Variants in KRT84 observed in about 807,000 individuals in gnomAD.
KRT84 encodes keratin, type II cuticular Hb4.
A neutral mutation model predicts 49.0 loss-of-function variants in KRT84; 38 were observed. The ratio of observed to expected loss-of-function variants is 0.78; its 90% CI spans 0.60 to 1.02. The LOEUF is 1.02. KRT84 is among the 50% of genes least tolerant of loss of function. The pLI, the probability that KRT84 is intolerant of heterozygous loss-of-function variation, is 0.00. For missense variants in KRT84, 860 were observed against 788.6 expected, an observed-to-expected ratio of 1.09 and a Z score of -1.08; for synonymous variants, 334 against 312.8, an observed-to-expected ratio of 1.07 and a Z score of -0.72.
At chr12:52,383,848 A>T in intron 1 of KRT84, 50 bp from the exon 2 acceptor site, 1 of 1,488,322 alleles carries the variant, frequency 6.7e-7, no homozygotes, top group South Asian at 1.2e-5. Flanking sequence ...GATAGGGTTC[A>T]TGCCTTGACC....
At chr12:52,379,984 C>T in intron 7 of KRT84, 77 bp from the exon 8 acceptor site, 1 of 1,304,682 alleles carries the variant, frequency 7.7e-7, no homozygotes, top group Non-Finnish European at 1.1e-6. Flanking sequence ...AAAGGGCTTT[C>T]TTGTTTGAGT....
intron 2 of KRT84, 95 bp from the exon 3 acceptor site, chr12:52,383,160 T>C: frequency 1.7e-5 from 17 of 973,082 alleles, no homozygotes; most frequent in Non-Finnish European, 2.7e-5. Flanking sequence ...TCTCAGTCTG[T>C]GCAGGATCAT....
rs763048146 is a variant in KRT84, at chr12:52,380,583, G to A, written c.1204C>T (p.Arg402Cys). The A allele has an allele frequency of 7.5e-6, 12 of 1,607,726 alleles. No individual in the cohort carries two copies. Among genetic ancestry groups the A allele is most frequent in the South Asian group, 3.3e-5 (3 of 90,558 alleles). Residue 402 changes from arginine to cysteine, a missense_variant and splice_region_variant, in exon 7 of 9, where the codon CGT becomes TGT. Arg to Cys is a radical substitution (Grantham distance 180). Coordinates refer to ENST00000257951, the MANE Select transcript of KRT84 (RefSeq NM_033045.4). ...KAEIEHAKAQ[R>C]AKLEAAVAEA... ...GCCACTGCAGCCTCCAACTTGGCAC[G>A]CTGCAGGGAAGGCAGTTTGCAGGTA...
Position 52,382,889 on chromosome 12 carries a change from G to C in KRT84, c.816+116C>G, listed in dbSNP as rs562290038. On this transcript the variant is annotated intron_variant, in intron 3 of 8. Coordinates refer to ENST00000257951, the MANE Select transcript of KRT84 (RefSeq NM_033045.4). ...TCTCTGAGATTCCACTGTCTCCACT[G>C]TCTTGATGTGAGTAGTCCCAGACTC... 1.1e-4 allele frequency: 87 copies of C among 822,600 alleles called. 1 individual carries two copies. The highest frequency in any genetic ancestry group is 9.8e-4 in the South Asian group (69 of 70,570). The allele number at this position is 822,600 out of a possible 1,614,324, so 51.0% of individuals were successfully genotyped here.
intron 5 of KRT84, 73 bp from the exon 6 acceptor site, chr12:52,381,278 T>C (rs883709): frequency 0.23 from 369,160 of 1,607,680 alleles, 48,197 homozygotes; most frequent in African/African-American, 0.57. Flanking sequence ...AGTTGGGGGC[T>C]TCAAACCTCC....
Position 52,378,044 on chromosome 12 carries a change from G to A in KRT84, c.1793C>T (p.Thr598Ile). 9 of 1,471,664 alleles carry A rather than the reference G, an allele frequency of 6.1e-6. No individual in the cohort carries two copies. The highest frequency in any genetic ancestry group is 8.1e-6 in the Non-Finnish European group (9 of 1,113,316). 91.2% of individuals were successfully genotyped at this position (1,471,664 alleles called of 1,614,324 possible). A position where few individuals can be genotyped will look rare whatever the true frequency, so the allele number is the denominator to read the frequency against. The change falls in exon 9 of 9, where the codon ACC (threonine) becomes ATC (isoleucine). Residue 598 changes from threonine (T) to isoleucine (I), a missense_variant. Coordinates refer to ENST00000257951, the MANE Select transcript of KRT84 (RefSeq NM_033045.4). Reference sequence around the variant, plus strand: ...TCTGGGGCTGGGCTCTCAGTACTTGGTCCGGCAGGAGGTGGTGGTGGACAC... The same window carrying A: ...TCTGGGGCTGGGCTCTCAGTACTTGATCCGGCAGGAGGTGGTGGTGGACAC... Reference protein sequence around the residue: ...RFVSTTTSCRTKY With the variant: ...RFVSTTTSCRIKY
upstream of KRT84, chr12:52,385,794 A>G: frequency 1.7e-6 from 1 of 590,932 alleles, no homozygotes; most frequent in South Asian, 2.1e-5. Context: ...CTCCTTGACA[A>G]TGAGTTAACT....
Position 52,378,199 on chromosome 12 carries a change from C to T in KRT84, c.1638G>A (p.Leu546=). The T allele has an allele frequency of 1.9e-6, 3 of 1,575,576 alleles. No individual in the cohort carries two copies. The highest frequency in any genetic ancestry group is 2.6e-6 in the Non-Finnish European group (3 of 1,161,796). ...GARVAPATGD[L]LSTGTRSGSM... is the part of the protein sequence containing the mutation. ...AGCCACTCCTTGTGCCAGTGCTCAG[C>T]AGGTCCCCAGTGGCCGGGGCGACCC... is the stretch of plus-strand genomic sequence containing the variant. The change falls in exon 9 of 9, where the codon CTG becomes CTA. Residue 546 remains leucine (L), a synonymous_variant. Coordinates refer to ENST00000257951, the MANE Select transcript of KRT84 (RefSeq NM_033045.4).
At chr12:52,381,667 A>G in intron 4 of KRT84, 142 bp from the exon 5 acceptor site, 1 of 805,482 alleles carries the variant, frequency 1.2e-6, no homozygotes, top group Non-Finnish European at 2.0e-6. Flanking sequence ...ATCTAAATTG[A>G]TGATAAAGAA....
At chr12:52,383,831 A>G (rs1939529451) in intron 1 of KRT84, 33 bp from the exon 2 acceptor site, 1 of 1,567,636 alleles carries the variant, frequency 6.4e-7, no homozygotes, top group Admixed American at 1.7e-5. Flanking sequence ...TGGCATTTGA[A>G]GTGCTTGATA....
chr12:52,377,921 G>A lies in KRT84; in HGVS notation c.*113C>T. 1 of 764,820 alleles carries A rather than the reference G, an allele frequency of 1.3e-6. No individual in the cohort carries two copies. The highest frequency in any genetic ancestry group is 1.9e-6 in the Non-Finnish European group (1 of 526,698). The allele number at this position is 764,820 out of a possible 1,614,324, so 47.4% of individuals were successfully genotyped here. ...GGGGAGTGCTAAGGGGTGGCTTCCTGGCAGAAAGGGGAGCTGGAGACCGTC... is the reference window on the plus strand; with the variant it reads ...GGGGAGTGCTAAGGGGTGGCTTCCTAGCAGAAAGGGGAGCTGGAGACCGTC... On this transcript the variant is annotated 3_prime_UTR_variant, in exon 9 of 9. Transcript: ENST00000257951.
intron 4 of KRT84, among the ~76,000 whole-genome samples, chr12:52,381,899 G>A (rs1939491151): frequency 6.6e-6 from 1 of 152,188 alleles, no homozygotes; most frequent in African/African-American, 2.4e-5. Flanking sequence ...CAATATTTTA[G>A]CACATGGTGG....
chr12:52,382,995 TC>T lies in KRT84; in HGVS notation c.816+9del, dbSNP rs773647664. On this transcript the variant is annotated intron_variant, in intron 3 of 8. Coordinates refer to ENST00000257951, the MANE Select transcript of KRT84 (RefSeq NM_033045.4). ...AGGAGAAGTTGGCCTGGTCTGTGGTTCCCCCTTACCTTCTTCAGAGCCACAA... is the reference window on the plus strand; with the variant it reads ...AGGAGAAGTTGGCCTGGTCTGTGGTTCCCCTTACCTTCTTCAGAGCCACAA... 5 of 1,613,020 alleles carry T rather than the reference TC, an allele frequency of 3.1e-6. No individual in the cohort carries two copies. In the East Asian group the frequency reaches 6.7e-5, roughly 22 times the overall value.
At chr12:52,379,422 C>A (rs1939441023) in intron 8 of KRT84, among the ~76,000 whole-genome samples, 1 of 152,222 alleles carries the variant, frequency 6.6e-6, no homozygotes, top group African/African-American at 2.4e-5. Flanking sequence ...GACTGCCATG[C>A]CCGGCACACT....
upstream of KRT84, among the ~76,000 whole-genome samples, chr12:52,386,038 A>G (rs1387558481): frequency 6.6e-6 from 1 of 152,222 alleles, no homozygotes; most frequent in African/African-American, 2.4e-5. Context: ...CTCACATGGG[A>G]TGCATCCATG....
rs572815714 is a variant in KRT84 at position 52,383,660 on chromosome 12, C to G, written c.685G>C (p.Val229Leu). 1 of 1,614,180 alleles carries G rather than the reference C, an allele frequency of 6.2e-7. No individual in the cohort carries two copies. Among genetic ancestry groups the G allele is most frequent in the Admixed American group, 1.7e-5 (1 of 60,028 alleles). Residue 229 changes from valine to leucine, a missense_variant, in exon 2 of 9, where the codon GTC becomes CTC. Coordinates refer to ENST00000257951, the MANE Select transcript of KRT84 (RefSeq NM_033045.4). ...GCCTGGAGCCGGGCCTGATCACTGA[C>G]CAGCACCTCCAACTGCCTCCGCAGG... is the stretch of plus-strand genomic sequence containing the variant. ...TNLRRQLEVL[V>L]SDQARLQAER...
Position 52,382,997 on chromosome 12 carries a change from C to T in KRT84, c.816+8G>A, listed in dbSNP as rs1283432819. ...GAGAAGTTGGCCTGGTCTGTGGTTCCCCCTTACCTTCTTCAGAGCCACAAA... is the reference window on the plus strand; with the variant it reads ...GAGAAGTTGGCCTGGTCTGTGGTTCTCCCTTACCTTCTTCAGAGCCACAAA... On this transcript the variant is annotated splice_region_variant and intron_variant, in intron 3 of 8. Transcript: ENST00000257951. 3.7e-6 allele frequency: 6 copies of T among 1,613,148 alleles called. No homozygotes were observed. Among genetic ancestry groups the T allele is most frequent in the Non-Finnish European group, 5.1e-6 (6 of 1,179,354 alleles).
At chr12:52,384,655 G>T (rs140891785) in intron 1 of KRT84, among the ~76,000 whole-genome samples, 4 of 152,302 alleles carry the variant, frequency 2.6e-5, no homozygotes, top group South Asian at 2.1e-4. Flanking sequence ...GGATCTCAAA[G>T]AATAAAACCT....
Position 52,381,439 on chromosome 12 carries a change from G to T in KRT84, c.999C>A (p.Ile333=), listed in dbSNP as rs1939482396. 1 of 1,614,044 alleles carries T rather than the reference G, an allele frequency of 6.2e-7. No homozygotes were observed. The highest frequency in any genetic ancestry group is 1.3e-5 in the African/African-American group (1 of 74,912). The change falls in exon 5 of 9, where the codon ATC becomes ATA. Residue 333 remains isoleucine, a synonymous_variant. Coordinates refer to ENST00000257951, the MANE Select transcript of KRT84 (RefSeq NM_033045.4). ...CATACTGGGCCTTGACCTCAGCAAT[G>T]ATCCCATCAAGGTTCAGGTCACGGC... is the stretch of plus-strand genomic sequence containing the variant. ...DNSRDLNLDG[I]IAEVKAQYEE...
Sources: allele counts gnomAD v4.1 joint callset (sites outside exome capture counted in the v4.1 genomes callset), GRCh38; gene constraint gnomAD v4.1.1; transcripts MANE v1.5; gene names NCBI Gene and HGNC (gene_info 2026-07-23, HGNC 2026-07-21).